The following NBAS variants were observed in gnomAD, a reference collection of about 807,000 sequenced individuals.
NBAS encodes the protein NAG/BC035112 fusion.
NBAS carries 219 observed loss-of-function variants against 302.5 expected under a neutral mutation model. The observed-to-expected ratio is 0.72, with a 90% CI of 0.65 to 0.81. The LOEUF is 0.81. Ranked by LOEUF, NBAS falls within the 30% of genes least tolerant of loss-of-function variation. The probability of loss-of-function intolerance (pLI) is 0.00; values close to 1 mark genes in which losing one functional copy is unlikely to be tolerated. For missense variants in NBAS, 2,932 were observed against 2,841.6 expected (o/e 1.03, Z -0.72); for synonymous variants, 1,118 against 1,021.6 (o/e 1.09, Z -1.80).
At chr2:14,960,616 A>C in the NBAS span, among the ~76,000 whole-genome samples, 1 of 152,250 alleles carries the variant, frequency 6.6e-6, no homozygotes, top group African/African-American at 2.4e-5. Flanking sequence ...CCATGCCTCC[A>C]CACTACATTA....
the NBAS span, among the ~76,000 whole-genome samples, chr2:15,063,936 G>A: frequency 1.3e-5 from 2 of 152,186 alleles, no homozygotes; most frequent in South Asian, 2.1e-4. Flanking sequence ...AAGATATAGA[G>A]TGTGGAGCTA....
chr2:15,185,474 T>C (rs1665031915), intron 50 of NBAS, among the ~76,000 whole-genome samples: 2 of 152,200 alleles, frequency 1.3e-5, no homozygotes, highest in African/African-American at 4.8e-5. Flanking sequence ...ATTTACATGT[T>C]GCTTACTTTG....
rs142714113 is a variant in NBAS at position 15,313,570 on chromosome 2, T to C, written c.4583-4323A>G. Among the ~76,000 whole-genome samples the C allele has an allele frequency of 2.6e-5, 4 of 152,352 alleles. No homozygotes were observed. The East Asian group carries it at 7.7e-4, about 29-fold the overall frequency. On this transcript the variant is annotated intron_variant, in intron 38 of 51. Coordinates refer to ENST00000281513, the MANE Select transcript of NBAS (RefSeq NM_015909.4). The stretch of plus-strand genomic sequence containing the variant: ...CAATTAATATATGCCATTTTAAGAA[T>C]GTGAATGAAGATATTCTTAGGATAA...
chr2:15,219,796 A>T (rs1572471522), intron 47 of NBAS, among the ~76,000 whole-genome samples: 2 of 140,246 alleles, frequency 1.4e-5, no homozygotes, highest in Middle Eastern at 7.5e-3. Flanking sequence ...CTATTCCACA[A>T]AACCGCCATT....
chr2:15,218,983 C>A lies in NBAS; in HGVS notation c.6237-15G>T, dbSNP rs1304830281. 1.9e-6 allele frequency: 3 copies of A among 1,614,002 alleles called. No individual in the cohort carries two copies. Among genetic ancestry groups the A allele is most frequent in the East Asian group, 2.2e-5 (1 of 44,888 alleles). ...CCAGCTCCTCACTGCAGGGCAAAAT[C>A]CAGAGGTATCTGTAAACTCCTAAGC... On this transcript the variant is annotated splice_polypyrimidine_tract_variant and intron_variant, in intron 47 of 51. Coordinates refer to ENST00000281513, the MANE Select transcript of NBAS (RefSeq NM_015909.4).
the NBAS span, among the ~76,000 whole-genome samples, chr2:14,892,017 C>T: frequency 6.6e-6 from 1 of 152,324 alleles, no homozygotes; most frequent in African/African-American, 2.4e-5. Flanking sequence ...TCTTTTATAA[C>T]ATGCGACTGA....
At chr2:15,008,773 G>A in the NBAS span, among the ~76,000 whole-genome samples, 2 of 152,146 alleles carry the variant, frequency 1.3e-5, no homozygotes, top group African/African-American at 2.4e-5. Flanking sequence ...AGCACACACA[G>A]CCAGATTGGG....
chr2:14,873,860 A>G, the NBAS span, among the ~76,000 whole-genome samples: 1 of 152,008 alleles, frequency 6.6e-6, no homozygotes, highest in Admixed American at 6.5e-5. Flanking sequence ...TTTTACTAAA[A>G]AAGTATAAAT....
intron 27 of NBAS, 132 bp downstream of exon 27, chr2:15,396,281 C>G: frequency 1.5e-6 from 1 of 648,628 alleles, no homozygotes; most frequent in Non-Finnish European, 2.6e-6. Context: ...TGAGAAAATT[C>G]ACTCCCAAGA....
chr2:15,491,597 G>A (rs1475539009), intron 11 of NBAS, among the ~76,000 whole-genome samples: 5 of 152,078 alleles, frequency 3.3e-5, no homozygotes, highest in East Asian at 3.9e-4. Flanking sequence ...TTAGCCAGGC[G>A]TGGTGGTGGG....
At chr2:15,011,113 TA>T in the NBAS span, among the ~76,000 whole-genome samples, 2 of 152,226 alleles carry the variant, frequency 1.3e-5, no homozygotes, top group African/African-American at 2.4e-5. Flanking sequence ...GATATATGAA[TA>T]AAGGCTTGAG....
chr2:15,015,985 A>G, the NBAS span, among the ~76,000 whole-genome samples: 7 of 152,300 alleles, frequency 4.6e-5, no homozygotes, highest in South Asian at 1.5e-3. Flanking sequence ...TATACTAACA[A>G]TGAACCAACC....
the NBAS span, among the ~76,000 whole-genome samples, chr2:15,017,659 A>T: frequency 6.6e-6 from 1 of 152,098 alleles, no homozygotes. Flanking sequence ...AAAAAGACAT[A>T]AAAAGTGCTG....
At chr2:14,953,143 C>T in the NBAS span, among the ~76,000 whole-genome samples, 1 of 152,142 alleles carries the variant, frequency 6.6e-6, no homozygotes, top group Admixed American at 6.5e-5. Flanking sequence ...GTGGCTGGAG[C>T]TGTGAGATGG....
chr2:15,026,851 T>TAAAGAAAAA, the NBAS span, among the ~76,000 whole-genome samples: 1 of 152,228 alleles, frequency 6.6e-6, no homozygotes, highest in Non-Finnish European at 1.5e-5. Flanking sequence ...GTGTCTACTT[T>TAAAGAAAAA]TATTTTCTTT....
chr2:15,350,753 C>G (rs374424123), intron 35 of NBAS, among the ~76,000 whole-genome samples: 2 of 152,126 alleles, frequency 1.3e-5, no homozygotes, highest in African/African-American at 4.8e-5. Context: ...TGAGCTATCT[C>G]CATCTCATTA....
intron 51 of NBAS, among the ~76,000 whole-genome samples, chr2:15,168,389 A>T (rs1472731311): frequency 6.6e-6 from 1 of 152,252 alleles, no homozygotes; most frequent in Non-Finnish European, 1.5e-5. Context: ...TGAGAATTAA[A>T]GCAAGAGAAG....
At chr2:15,110,446 G>C in the NBAS span, among the ~76,000 whole-genome samples, 8 of 152,280 alleles carry the variant, frequency 5.3e-5, no homozygotes, top group Admixed American at 3.9e-4. Flanking sequence ...AGTAGCATAT[G>C]TAAAGTGTTC....
chr2:15,473,448 A>C, intron 15 of NBAS, 101 bp from the exon 16 acceptor site: 1 of 1,441,080 alleles, frequency 6.9e-7, no homozygotes, highest in Non-Finnish European at 9.5e-7. Context: ...GGACTTATCC[A>C]GCATGTCACT....
Sources: gnomAD v4.1 joint callset for allele counts (sites outside exome capture counted in the v4.1 genomes callset) on GRCh38, gnomAD v4.1.1 for gene constraint, MANE v1.5 for transcripts, NCBI Gene and HGNC (gene_info 2026-07-23, HGNC 2026-07-21) for gene names.